SPOPL: variants seen among roughly 807,000 people sequenced by gnomAD.
The protein encoded by SPOPL is speckle-type POZ protein-like.
In SPOPL, 23 loss-of-function variants were observed where a neutral mutation model predicts 53.8. That is an observed-to-expected ratio of 0.43 (90% CI 0.31 to 0.61). The LOEUF (loss-of-function observed/expected upper bound fraction) is 0.61. Among genes scored for constraint, SPOPL ranks in the 20% least tolerant of loss-of-function variants. The pLI, the probability that SPOPL is intolerant of heterozygous loss-of-function variation, is 0.12. For synonymous variants in SPOPL, 164 were observed against 149.7 expected (o/e 1.10, Z -0.70); for missense variants, 442 against 466.9 (o/e 0.95, Z 0.49).
At chr2:138,505,640 TG>T (rs1450484037) in intron 1 of SPOPL, among the ~76,000 whole-genome samples, 1 of 143,480 alleles carries the variant, frequency 7.0e-6, no homozygotes, top group African/African-American at 2.6e-5. Flanking sequence ...TTGGGTGTGG[TG>T]GCACACACCT....
chr2:138,516,393 C>T (rs528710505), intron 1 of SPOPL, among the ~76,000 whole-genome samples: 1 of 152,260 alleles, frequency 6.6e-6, no homozygotes, highest in Non-Finnish European at 1.5e-5. Flanking sequence ...AAATTGATGA[C>T]AGAACAGGAA....
At chr2:138,527,441 T>C (rs1419131263) in intron 1 of SPOPL, among the ~76,000 whole-genome samples, 1 of 152,208 alleles carries the variant, frequency 6.6e-6, no homozygotes, top group Admixed American at 6.5e-5. Flanking sequence ...GTTGTCTTTA[T>C]CTTTTATTTT....
At chr2:138,516,333 A>C (rs77377913) in intron 1 of SPOPL, among the ~76,000 whole-genome samples, 5,265 of 152,318 alleles carry the variant, frequency 0.035, 131 homozygotes, top group Middle Eastern at 0.061. Context: ...ATGACTTAAA[A>C]AATGGGAAGA....
chr2:138,534,839 G>C (rs1684893742), intron 1 of SPOPL, among the ~76,000 whole-genome samples: 1 of 152,198 alleles, frequency 6.6e-6, no homozygotes, highest in African/African-American at 2.4e-5. Context: ...TTTAAAACAA[G>C]TGAAATGATA....
At chr2:138,535,310 A>T (rs1684903324) in intron 1 of SPOPL, among the ~76,000 whole-genome samples, 1 of 152,210 alleles carries the variant, frequency 6.6e-6, no homozygotes, top group South Asian at 2.1e-4. Context: ...AGCAAAGAAC[A>T]TTTATGTTTC....
At chr2:138,561,292 A>G (rs1685542880) in intron 8 of SPOPL, among the ~76,000 whole-genome samples, 1 of 152,202 alleles carries the variant, frequency 6.6e-6, no homozygotes, top group African/African-American at 2.4e-5. Context: ...AATATTGGAT[A>G]TTATGTAACT....
Position 138,550,576 on chromosome 2 carries a change from T to C in SPOPL, c.172T>C (p.Ser58Pro). The C allele has an allele frequency of 6.2e-7, 1 of 1,608,482 alleles. No individual in the cohort carries two copies. The highest frequency in any genetic ancestry group is 8.5e-7 in the Non-Finnish European group (1 of 1,176,298). Residue 58 changes from serine (S) to proline (P), a missense_variant, in exon 3 of 11, where the codon TCA (serine) becomes CCA (proline). By Grantham distance (74) the Ser-to-Pro change is moderately conservative. Transcript: ENST00000280098. The part of the protein sequence containing the change: ...MGEVLKSSTF[S>P]SGPSDKMKWC... ...TGAAGTGTTAAAAAGTTCAACATTT[T>C]CATCTGGCCCAAGTGACAAAATGAA...
At chr2:138,560,733 A>C (rs1685527024) in intron 7 of SPOPL, 72 bp from the exon 8 acceptor site, 1 of 1,496,748 alleles carries the variant, frequency 6.7e-7, no homozygotes, top group Admixed American at 2.3e-5. Flanking sequence ...AATTACTGTC[A>C]AAGATTCACT....
chr2:138,545,855 G>A (rs551527968), intron 1 of SPOPL, among the ~76,000 whole-genome samples: 1 of 152,246 alleles, frequency 6.6e-6, no homozygotes, highest in Admixed American at 6.5e-5. Flanking sequence ...ACTATTTTGT[G>A]ACATCTATGT....
intron 10 of SPOPL, among the ~76,000 whole-genome samples, chr2:138,565,344 A>G (rs948527859): frequency 6.6e-6 from 1 of 152,204 alleles, no homozygotes. Context: ...GTTACCCTCC[A>G]GATTTGCTGA....
rs144325685 is a variant in SPOPL at position 138,545,080 on chromosome 2, A to G, written c.-60-5077A>G. ...ATACATTTGCCTCTTAATGCTTTTG[A>G]TAAATGCCATATCCCAGAATGCTGT... On this transcript the variant is annotated intron_variant, in intron 1 of 10. Transcript: ENST00000280098. 1.1e-4 allele frequency among the ~76,000 whole-genome samples: 16 copies of G among 152,160 alleles called. No individual in the cohort carries two copies. In the East Asian group the frequency reaches 2.9e-3, roughly 28 times the overall value.
At chr2:138,509,275 C>T (rs1029194007) in intron 1 of SPOPL, among the ~76,000 whole-genome samples, 16 of 152,086 alleles carry the variant, frequency 1.1e-4, no homozygotes, top group African/African-American at 3.4e-4. Context: ...TATTTGCTTT[C>T]ATCCTATAGT....
rs1685490216 is a variant in SPOPL, at chr2:138,559,163, G to A, written c.622G>A (p.Gly208Arg). Residue 208 changes from glycine (G) to arginine (R), a missense_variant, in exon 6 of 11, where the codon GGA (glycine) becomes AGA (arginine). By Grantham distance (125) the Gly-to-Arg change is moderately radical (BLOSUM62 -2). Coordinates refer to ENST00000280098, the MANE Select transcript of SPOPL (RefSeq NM_001001664.3). ...TACAGACTGCAGTTTTTTCGTGAGA[G>A]GACAAGAATTTAAAGCTCATAAATC... ...RFTDCSFFVRGQEFKAHKSVL... is the reference protein window; with the variant it reads ...RFTDCSFFVRRQEFKAHKSVL... 3.1e-6 allele frequency: 5 copies of A among 1,613,614 alleles called. No individual in the cohort carries two copies. The East Asian group carries it at 1.1e-4, about 36-fold the overall frequency.
Position 138,550,761 on chromosome 2 carries a change from G to A in SPOPL, c.201-142G>A. 5 of 1,397,056 alleles carry A rather than the reference G, an allele frequency of 3.6e-6. No homozygotes were observed. The South Asian group carries it at 5.7e-5, about 16-fold the overall frequency. The allele number at this position is 1,397,056 out of a possible 1,614,324, so 86.5% of individuals were successfully genotyped here. ...ATAGTGTGGGGAATTATAAAGAACT[G>A]TGAGGATGTTGACAGGAGTGCTGTT... On this transcript the variant is annotated intron_variant, in intron 3 of 10. Coordinates refer to ENST00000280098, the MANE Select transcript of SPOPL (RefSeq NM_001001664.3).
At chr2:138,518,580 T>C (rs1684494750) in intron 1 of SPOPL, among the ~76,000 whole-genome samples, 1 of 152,224 alleles carries the variant, frequency 6.6e-6, no homozygotes, top group South Asian at 2.1e-4. Flanking sequence ...GTATTCACCA[T>C]TGAAACAACA....
chr2:138,537,355 A>G (rs968091807), intron 1 of SPOPL, among the ~76,000 whole-genome samples: 2 of 152,066 alleles, frequency 1.3e-5, no homozygotes, highest in Non-Finnish European at 2.9e-5. Context: ...CAGGGGATAC[A>G]TGATTGGGGG....
intron 1 of SPOPL, among the ~76,000 whole-genome samples, chr2:138,515,356 A>G (rs1487126354): frequency 6.6e-6 from 1 of 152,170 alleles, no homozygotes; most frequent in East Asian, 1.9e-4. Context: ...GGTTGTGTTC[A>G]TTCATTATTC....
intron 1 of SPOPL, among the ~76,000 whole-genome samples, chr2:138,523,251 C>T (rs915073794): frequency 1.3e-5 from 2 of 152,142 alleles, no homozygotes; most frequent in African/African-American, 2.4e-5. Flanking sequence ...GGGAAATTCC[C>T]GTTTTTAAAA....
At chr2:138,562,144 C>G (rs1685563409) in intron 8 of SPOPL, among the ~76,000 whole-genome samples, 1 of 151,178 alleles carries the variant, frequency 6.6e-6, no homozygotes, top group African/African-American at 2.4e-5. Flanking sequence ...ATGTTCCTCT[C>G]AAGATCCTAG....
Sources: gnomAD v4.1 joint callset for allele counts (sites outside exome capture counted in the v4.1 genomes callset) on GRCh38, gnomAD v4.1.1 for gene constraint, MANE v1.5 for transcripts, NCBI Gene and HGNC (gene_info 2026-07-23, HGNC 2026-07-21) for gene names.